The following SOX5 variants were observed in gnomAD, a reference collection of about 807,000 sequenced individuals.
The protein encoded by SOX5 is transcription factor SOX-5.
SOX5 carries 9 observed loss-of-function variants against 92.0 expected under a neutral mutation model. That is an observed-to-expected ratio of 0.10 (90% CI 0.06 to 0.17). The LOEUF (loss-of-function observed/expected upper bound fraction) is 0.17, where lower values mean the gene tolerates loss of function less well. Ranked by LOEUF, SOX5 falls within the 10% of genes least tolerant of loss-of-function variation. The probability of loss-of-function intolerance (pLI) is 1.00; values close to 1 mark genes in which losing one functional copy is unlikely to be tolerated. For missense variants in SOX5, 642 were observed against 944.5 expected, an observed-to-expected ratio of 0.68 and a Z score of 4.20; for synonymous variants, 344 against 336.3, an observed-to-expected ratio of 1.02 and a Z score of -0.25.
rs556512360 is a variant in SOX5 at position 23,792,434 on chromosome 12, C to T, written c.482-36710G>A. On this transcript the variant is annotated intron_variant, in intron 3 of 14. Coordinates refer to ENST00000451604, the MANE Select transcript of SOX5 (RefSeq NM_006940.6). Reference sequence around the variant, plus strand: ...GGTCAGAAGTTCGAGACCAGCGTGGCCAACATGGTGAAACACCATCTCTAC... The same window carrying T: ...GGTCAGAAGTTCGAGACCAGCGTGGTCAACATGGTGAAACACCATCTCTAC... Among the ~76,000 whole-genome samples, 3 of 151,532 alleles carry T rather than the reference C, an allele frequency of 2.0e-5. No individual in the cohort carries two copies. In the East Asian group the frequency reaches 5.8e-4, roughly 30 times the overall value.
chr12:23,625,833 T>A (rs1385562560), intron 8 of SOX5, among the ~76,000 whole-genome samples: 1 of 152,150 alleles, frequency 6.6e-6, no homozygotes. Flanking sequence ...GGTCTTGAAC[T>A]CCTGACCTCA....
chr12:24,214,506 T>A (rs988032359), intron 3 of SOX5, among the ~76,000 whole-genome samples: 23 of 152,094 alleles, frequency 1.5e-4, no homozygotes, highest in African/African-American at 5.5e-4. Flanking sequence ...TCAGCTATTG[T>A]CTGCTTTTTA....
chr12:24,530,694 T>G (rs1951117641), intron 1 of SOX5, among the ~76,000 whole-genome samples: 1 of 145,770 alleles, frequency 6.9e-6, no homozygotes, highest in South Asian at 2.2e-4. Flanking sequence ...TACTCGTATC[T>G]AATATGCAAC....
chr12:24,120,255 G>C (rs1008912304), intron 4 of SOX5, among the ~76,000 whole-genome samples: 1 of 152,138 alleles, frequency 6.6e-6, no homozygotes, highest in African/African-American at 2.4e-5. Context: ...ACGGTTTCCT[G>C]AGTGGTTATG....
chr12:24,395,058 T>TTC (rs1185132139), intron 1 of SOX5, among the ~76,000 whole-genome samples: 1 of 152,204 alleles, frequency 6.6e-6, no homozygotes, highest in Non-Finnish European at 1.5e-5. Flanking sequence ...ATATTAATGA[T>TTC]TCTCCCATTT....
chr12:23,862,236 T>C (rs1369347396), intron 2 of SOX5, among the ~76,000 whole-genome samples: 1 of 152,184 alleles, frequency 6.6e-6, no homozygotes, highest in Non-Finnish European at 1.5e-5. Context: ...ATTTTTATTG[T>C]TTCAGTCAGT....
At chr12:24,050,172 G>A (rs933837838) in intron 4 of SOX5, among the ~76,000 whole-genome samples, 2 of 151,388 alleles carry the variant, frequency 1.3e-5, no homozygotes, top group African/African-American at 4.9e-5. Context: ...CGTCTTTGAG[G>A]TTTCTTAAAA....
At chr12:24,329,313 A>G (rs1420946889) in intron 2 of SOX5, among the ~76,000 whole-genome samples, 1 of 152,194 alleles carries the variant, frequency 6.6e-6, no homozygotes, top group Non-Finnish European at 1.5e-5. Context: ...GGAAACTTAC[A>G]GTCATGATGG....
intron 3 of SOX5, among the ~76,000 whole-genome samples, chr12:23,831,601 C>T (rs1594855498): frequency 6.6e-6 from 1 of 151,968 alleles, no homozygotes; most frequent in Non-Finnish European, 1.5e-5. Flanking sequence ...TGCATTAGTT[C>T]TCAGAAGAGA....
intron 1 of SOX5, among the ~76,000 whole-genome samples, chr12:24,502,863 C>A (rs1364275998): frequency 6.6e-6 from 1 of 152,128 alleles, no homozygotes; most frequent in African/African-American, 2.4e-5. Context: ...GGTATTCTGG[C>A]CAAAAGTGCA....
Position 23,973,715 on chromosome 12 carries a change from G to T in SOX5, c.-1-77691C>A, listed in dbSNP as rs78173414. Among the ~76,000 whole-genome samples the T allele has an allele frequency of 2.8e-4, 43 of 152,260 alleles. 1 individual carries two copies. The East Asian group carries it at 7.9e-3, about 28-fold the overall frequency. ...GGTTGTGGACCAGCACTGGTCTGTG[G>T]CCTGTTAGGAACCGGGCCACAGGAG... On this transcript the variant is annotated intron_variant, in intron 4 of 4. Transcript: ENST00000446891.
chr12:23,784,055 A>G (rs573325470), intron 3 of SOX5, among the ~76,000 whole-genome samples: 1 of 152,248 alleles, frequency 6.6e-6, no homozygotes, highest in Admixed American at 6.5e-5. Flanking sequence ...AAATTTCCAA[A>G]AAGATATTTA....
chr12:24,009,952 T>C (rs906910022), intron 4 of SOX5, among the ~76,000 whole-genome samples: 2 of 152,198 alleles, frequency 1.3e-5, no homozygotes, highest in African/African-American at 4.8e-5. Context: ...ATTGTCAGTC[T>C]TGGCCTCTTG....
At chr12:23,574,116 A>G (rs1431143698) in intron 10 of SOX5, among the ~76,000 whole-genome samples, 1 of 151,880 alleles carries the variant, frequency 6.6e-6, no homozygotes, top group Admixed American at 6.6e-5. Context: ...TATCTATATT[A>G]TAGTATTAAT....
intron 3 of SOX5, among the ~76,000 whole-genome samples, chr12:23,768,441 C>T (rs1308422027): frequency 6.6e-6 from 1 of 152,144 alleles, no homozygotes; most frequent in Admixed American, 6.6e-5. Flanking sequence ...TTACATCTCT[C>T]ACCTAAGATG....
intron 6 of SOX5, among the ~76,000 whole-genome samples, chr12:23,666,451 T>A (rs1255115961): frequency 1.3e-5 from 2 of 152,204 alleles, no homozygotes; most frequent in Non-Finnish European, 2.9e-5. Flanking sequence ...AATGTGGCCA[T>A]TTCTGCAGCC....
chr12:24,121,938 A>C (rs1229564149), intron 4 of SOX5, among the ~76,000 whole-genome samples: 2 of 151,924 alleles, frequency 1.3e-5, no homozygotes, highest in Non-Finnish European at 2.9e-5. Flanking sequence ...TATTGAAGAT[A>C]AATCTGGTAG....
intron 8 of SOX5, among the ~76,000 whole-genome samples, chr12:23,634,562 G>T (rs756108275): frequency 1.3e-5 from 2 of 152,106 alleles, no homozygotes; most frequent in African/African-American, 4.8e-5. Flanking sequence ...TAATGTATCC[G>T]GAATAGACTG....
At chr12:23,777,822 C>T (rs1392273825) in intron 3 of SOX5, among the ~76,000 whole-genome samples, 2 of 151,998 alleles carry the variant, frequency 1.3e-5, no homozygotes, top group Non-Finnish European at 2.9e-5. Context: ...CTTCCATCAC[C>T]TTCAACGTAC....
Sources: gnomAD v4.1 joint callset for allele counts (sites outside exome capture counted in the v4.1 genomes callset) on GRCh38, gnomAD v4.1.1 for gene constraint, MANE v1.5 for transcripts, NCBI Gene and HGNC (gene_info 2026-07-23, HGNC 2026-07-21) for gene names.